GRIA4: variants seen among roughly 807,000 people sequenced by gnomAD.
The protein encoded by GRIA4 is glutamate receptor 4.
GRIA4 carries 34 observed loss-of-function variants against 104.0 expected under a neutral mutation model. The ratio of observed to expected loss-of-function variants is 0.33; its 90% CI spans 0.25 to 0.44. GRIA4 has a LOEUF of 0.44. GRIA4 is among the 20% of genes least tolerant of loss of function. The pLI, the probability that GRIA4 is intolerant of heterozygous loss-of-function variation, is 1.00. For synonymous variants in GRIA4, 386 were observed against 381.9 expected (o/e 1.01, Z -0.13); for missense variants, 750 against 1,096.5 (o/e 0.68, Z 4.46).
chr11:105,850,415 T>C (rs1227582173), intron 4 of GRIA4, among the ~76,000 whole-genome samples: 1 of 152,194 alleles, frequency 6.6e-6, no homozygotes. Context: ...AATAGTCCTA[T>C]GGGGTTTTGT....
At chr11:105,970,416 A>C (rs1565372767) in intron 14 of GRIA4, among the ~76,000 whole-genome samples, 1 of 152,198 alleles carries the variant, frequency 6.6e-6, no homozygotes, top group East Asian at 1.9e-4. Flanking sequence ...TTTTAATTGC[A>C]AAAGCTATGA....
intron 3 of GRIA4, among the ~76,000 whole-genome samples, chr11:105,629,136 G>A (rs1273087753): frequency 6.6e-6 from 1 of 150,740 alleles, no homozygotes; most frequent in Non-Finnish European, 1.5e-5. Flanking sequence ...AGCTACTCAG[G>A]AGGCTGAGGC....
chr11:105,727,986 A>T (rs1938328008), intron 3 of GRIA4, among the ~76,000 whole-genome samples: 1 of 152,178 alleles, frequency 6.6e-6, no homozygotes, highest in Non-Finnish European at 1.5e-5. Context: ...CAAAATAACG[A>T]GCTAGCATCA....
chr11:105,761,514 G>T (rs925986457), intron 4 of GRIA4, among the ~76,000 whole-genome samples: 7 of 151,952 alleles, frequency 4.6e-5, no homozygotes, highest in African/African-American at 1.5e-4. Context: ...TAAATAATTT[G>T]CCCAAACTCA....
intron 14 of GRIA4, among the ~76,000 whole-genome samples, chr11:105,966,358 T>C (rs1858368109): frequency 1.3e-5 from 2 of 152,180 alleles, no homozygotes; most frequent in South Asian, 4.1e-4. Context: ...GGATGTTAAG[T>C]TTCTGAAACA....
At chr11:105,794,310 T>G (rs2135813075) in intron 4 of GRIA4, among the ~76,000 whole-genome samples, 1 of 150,488 alleles carries the variant, frequency 6.6e-6, no homozygotes, top group Admixed American at 6.6e-5. Flanking sequence ...ACTGCTTTCC[T>G]TTTCCAATGG....
chr11:105,762,694 G>T (rs1311070646), intron 4 of GRIA4, among the ~76,000 whole-genome samples: 1 of 152,150 alleles, frequency 6.6e-6, no homozygotes, highest in African/African-American at 2.4e-5. Flanking sequence ...TAGTGAATAA[G>T]TCTCACGAGA....
intron 4 of GRIA4, among the ~76,000 whole-genome samples, chr11:105,861,187 C>T (rs182041496): frequency 9.9e-5 from 15 of 152,176 alleles, no homozygotes; most frequent in Admixed American, 7.8e-4. Flanking sequence ...GCTGTCTTCA[C>T]GTAATAAACA....
chr11:105,979,931 C>A lies in GRIA4; in HGVS notation c.*192C>A. ...TGAGCTCAGCTCGGAAACCCAAACT[C>A]AGATTTTATATCAGGAAAACTCACA... On this transcript the variant is annotated 3_prime_UTR_variant, in exon 17 of 17. Transcript: ENST00000282499. 5 of 457,698 alleles carry A rather than the reference C, an allele frequency of 1.1e-5. No homozygotes were observed. Among genetic ancestry groups the A allele is most frequent in the Non-Finnish European group, 7.9e-6 (2 of 252,540 alleles). The allele number at this position is 457,698 out of a possible 1,614,324, so 28.4% of individuals were successfully genotyped here. A position where few individuals can be genotyped will look rare whatever the true frequency, so the allele number is the denominator to read the frequency against.
chr11:105,811,235 G>A (rs1335438927), intron 4 of GRIA4, among the ~76,000 whole-genome samples: 1 of 152,154 alleles, frequency 6.6e-6, no homozygotes, highest in Non-Finnish European at 1.5e-5. Flanking sequence ...TAAGGAAAAT[G>A]TATTAAAAAC....
At chr11:105,935,300 G>A (rs1022891461) in intron 14 of GRIA4, among the ~76,000 whole-genome samples, 4 of 152,092 alleles carry the variant, frequency 2.6e-5, no homozygotes, top group Admixed American at 6.6e-5. Context: ...ATTTGGTTAT[G>A]GACTGTGGCA....
intron 14 of GRIA4, among the ~76,000 whole-genome samples, chr11:105,942,544 T>C (rs1385527871): frequency 6.6e-6 from 1 of 152,092 alleles, no homozygotes; most frequent in Non-Finnish European, 1.5e-5. Context: ...AACTGTATAA[T>C]ACACTTACGG....
chr11:105,956,895 A>C (rs1020713943), intron 14 of GRIA4, among the ~76,000 whole-genome samples: 2 of 152,224 alleles, frequency 1.3e-5, no homozygotes, highest in Non-Finnish European at 2.9e-5. Flanking sequence ...TTTTGGCTAC[A>C]TAAATGTCTT....
intron 3 of GRIA4, among the ~76,000 whole-genome samples, chr11:105,737,029 T>A (rs1938998918): frequency 1.3e-5 from 2 of 152,126 alleles, no homozygotes; most frequent in Admixed American, 6.6e-5. Context: ...TTAAACAGCA[T>A]TTTTATTGGA....
intron 3 of GRIA4, among the ~76,000 whole-genome samples, chr11:105,680,798 A>G (rs779079250): frequency 6.6e-6 from 1 of 152,144 alleles, no homozygotes; most frequent in African/African-American, 2.4e-5. Flanking sequence ...AGTGATTTCT[A>G]TCACCTTGTC....
intron 4 of GRIA4, among the ~76,000 whole-genome samples, chr11:105,778,760 G>C (rs1941571845): frequency 6.6e-6 from 1 of 151,992 alleles, no homozygotes; most frequent in Admixed American, 6.6e-5. Flanking sequence ...GATTAAATCA[G>C]TGTTGTATAG....
chr11:105,927,034 G>C, intron 13 of GRIA4, 95 bp downstream of exon 13: 1 of 774,964 alleles, frequency 1.3e-6, no homozygotes, highest in Non-Finnish European at 2.2e-6. Context: ...GCTATTATAA[G>C]GTTTACAAAC....
chr11:105,825,668 C>G (rs1222496336), intron 4 of GRIA4, among the ~76,000 whole-genome samples: 1 of 152,032 alleles, frequency 6.6e-6, no homozygotes, highest in Non-Finnish European at 1.5e-5. Context: ...AGGGGTGCCT[C>G]TGGGTGAAGG....
At chr11:105,924,261 G>C (rs549162216) in intron 11 of GRIA4, 138 bp from the exon 12 acceptor site, 1 of 570,154 alleles carries the variant, frequency 1.8e-6, no homozygotes, top group Non-Finnish European at 3.1e-6. Flanking sequence ...TCTATCACTA[G>C]GCTTATACAT....
Sources: gnomAD v4.1 joint callset for allele counts (sites outside exome capture counted in the v4.1 genomes callset) on GRCh38, gnomAD v4.1.1 for gene constraint, MANE v1.5 for transcripts, NCBI Gene and HGNC (gene_info 2026-07-23, HGNC 2026-07-21) for gene names.